Variants in WWOX observed in about 807,000 individuals in gnomAD.
WWOX encodes the protein WW domain-containing oxidoreductase.
Under a neutral mutation model 46.2 loss-of-function variants are expected in WWOX, and 69 were observed. The ratio of observed to expected loss-of-function variants is 1.49; its 90% confidence interval spans 1.23 to 1.82. WWOX has a LOEUF of 1.82. Ranked by LOEUF, WWOX falls within the 40% of genes most tolerant of loss-of-function variation. The pLI, the probability that WWOX is intolerant of heterozygous loss-of-function variation, is 0.00. For missense variants in WWOX, 919 were observed against 542.6 expected (o/e 1.69, Z -6.89); for synonymous variants, 359 against 202.6 (o/e 1.77, Z -6.56).
At chr16:78,364,504 T>C (rs1160291083) in intron 5 of WWOX, among the ~76,000 whole-genome samples, 4 of 152,074 alleles carry the variant, frequency 2.6e-5, no homozygotes, top group Non-Finnish European at 5.9e-5. Context: ...TTGTGTCATA[T>C]ATAATTTTGT....
chr16:79,093,979 C>G (rs2049017000), intron 8 of WWOX, among the ~76,000 whole-genome samples: 1 of 152,140 alleles, frequency 6.6e-6, no homozygotes, highest in Admixed American at 6.5e-5. Flanking sequence ...ATACCACTTC[C>G]ACAAATGCTA....
chr16:78,670,191 C>G (rs1453504705), intron 8 of WWOX, among the ~76,000 whole-genome samples: 1 of 152,144 alleles, frequency 6.6e-6, no homozygotes, highest in African/African-American at 2.4e-5. Flanking sequence ...ACCAGCAGGT[C>G]CAGCTCTAAC....
At chr16:78,941,536 G>T (rs184847993) in intron 8 of WWOX, among the ~76,000 whole-genome samples, 1 of 151,752 alleles carries the variant, frequency 6.6e-6, no homozygotes, top group Non-Finnish European at 1.5e-5. Context: ...GTATGAAGCT[G>T]GGGACGGGGG....
At chr16:78,953,094 T>G (rs947519875) in intron 8 of WWOX, among the ~76,000 whole-genome samples, 1 of 151,950 alleles carries the variant, frequency 6.6e-6, no homozygotes, top group Non-Finnish European at 1.5e-5. Context: ...CCAACCAAAT[T>G]GACTGTTAAA....
chr16:78,705,240 G>A (rs931186568), intron 8 of WWOX, among the ~76,000 whole-genome samples: 1 of 152,096 alleles, frequency 6.6e-6, no homozygotes, highest in African/African-American at 2.4e-5. Context: ...CATCTGAGAG[G>A]TTTTCTCTAT....
At chr16:78,793,811 C>CA (rs1482893221) in intron 8 of WWOX, among the ~76,000 whole-genome samples, 1 of 151,744 alleles carries the variant, frequency 6.6e-6, no homozygotes, top group African/African-American at 2.4e-5. Context: ...CAAGGTGGCT[C>CA]ACGTCTGTAA....
At position 78,527,926 on chromosome 16, in the gene WWOX, G is replaced by T. The variant is rs1184686136; in HGVS notation, c.1056+95174G>T. 2.7e-5 allele frequency among the ~76,000 whole-genome samples: 4 copies of T among 150,914 alleles called. No individual in the cohort carries two copies. In the Admixed American group the frequency reaches 2.7e-4, roughly 10 times the overall value. ...ACCACAAAATATCAGCAGTGCCCAGGTTGGGAAGCTCTGTGCCATTGTGCA... is the reference window on the plus strand; with the variant it reads ...ACCACAAAATATCAGCAGTGCCCAGTTTGGGAAGCTCTGTGCCATTGTGCA... On this transcript the variant is annotated intron_variant, in intron 8 of 8. Transcript: ENST00000566780.
intron 5 of WWOX, among the ~76,000 whole-genome samples, chr16:78,339,121 C>A (rs9925676): frequency 0.23 from 27,114 of 118,640 alleles, 8,676 homozygotes; most frequent in African/African-American, 0.38. Flanking sequence ...GCATCATATC[C>A]ATATAGTGAT....
At chr16:79,068,820 CAATAAT>C (rs61494401) in intron 8 of WWOX, among the ~76,000 whole-genome samples, 5,631 of 138,516 alleles carry the variant, frequency 0.041, 149 homozygotes, top group East Asian at 0.089. Flanking sequence ...CAAAAAAACC[CAATAAT>C]AATAATAATA....
intron 8 of WWOX, among the ~76,000 whole-genome samples, chr16:78,517,127 C>G (rs1597199900): frequency 1.3e-5 from 2 of 152,300 alleles, no homozygotes; most frequent in South Asian, 4.1e-4. Context: ...AAATATGAAG[C>G]AGGTATCTGA....
intron 8 of WWOX, among the ~76,000 whole-genome samples, chr16:78,985,598 G>T (rs1400654390): frequency 6.6e-6 from 1 of 152,208 alleles, no homozygotes; most frequent in East Asian, 1.9e-4. Flanking sequence ...GTGAAACCCA[G>T]TCTCTACTAA....
chr16:79,002,994 C>G (rs561115829), intron 8 of WWOX, among the ~76,000 whole-genome samples: 3 of 152,298 alleles, frequency 2.0e-5, no homozygotes, highest in African/African-American at 7.2e-5. Context: ...TTAAAAACTT[C>G]CTGGTGAATG....
chr16:79,116,419 A>T (rs1018164495), intron 8 of WWOX, among the ~76,000 whole-genome samples: 3 of 152,220 alleles, frequency 2.0e-5, no homozygotes, highest in Non-Finnish European at 2.9e-5. Flanking sequence ...GGAATATTCT[A>T]AATCCTCTGT....
At chr16:78,753,393 T>G (rs981629995) in intron 8 of WWOX, among the ~76,000 whole-genome samples, 2 of 152,044 alleles carry the variant, frequency 1.3e-5, no homozygotes, top group African/African-American at 2.4e-5. Context: ...AGACAATGAG[T>G]AAGAAGAGTA....
At chr16:78,495,185 G>A (rs1432205823) in intron 8 of WWOX, among the ~76,000 whole-genome samples, 1 of 119,540 alleles carries the variant, frequency 8.4e-6, no homozygotes, top group African/African-American at 2.9e-5. Context: ...CTGTCGCCCA[G>A]GTTGCAGTGC....
At position 78,164,052 on chromosome 16, in the gene WWOX, C is replaced by A. The variant is rs937585394; in HGVS notation, c.410-131C>A. ...AATGTCTCCAGACATTTGCTTCTGT[C>A]CCCTGGGGATCAAAATCACCCCTGG... is the stretch of plus-strand genomic sequence containing the variant. On this transcript the variant is annotated intron_variant, in intron 4 of 8. Coordinates refer to ENST00000566780, the MANE Select transcript of WWOX (RefSeq NM_016373.4). 10 of 837,102 alleles carry A rather than the reference C, an allele frequency of 1.2e-5. No individual in the cohort carries two copies. In the Admixed American group the frequency reaches 1.8e-4, roughly 15 times the overall value. 51.9% of individuals were successfully genotyped at this position (837,102 alleles called of 1,614,324 possible).
intron 8 of WWOX, among the ~76,000 whole-genome samples, chr16:78,533,285 G>C (rs970292286): frequency 6.6e-6 from 1 of 152,086 alleles, no homozygotes; most frequent in African/African-American, 2.4e-5. Context: ...GCTCATGCCT[G>C]TAATCCCAGC....
chr16:78,381,166 C>T (rs2081948935), intron 5 of WWOX, among the ~76,000 whole-genome samples: 4 of 152,170 alleles, frequency 2.6e-5, no homozygotes, highest in Admixed American at 2.6e-4. Context: ...ACCACACACT[C>T]CCCATATGGT....
chr16:79,181,865 C>T (rs1247688055), intron 8 of WWOX, among the ~76,000 whole-genome samples: 7 of 152,196 alleles, frequency 4.6e-5, no homozygotes, highest in Non-Finnish European at 7.3e-5. Context: ...CAAACCACAG[C>T]ATAAACCCTA....
Sources: gnomAD v4.1 joint callset for allele counts (sites outside exome capture counted in the v4.1 genomes callset) on GRCh38, gnomAD v4.1.1 for gene constraint, MANE v1.5 for transcripts, NCBI Gene and HGNC (gene_info 2026-07-23, HGNC 2026-07-21) for gene names.